The following CTIF variants were observed in gnomAD, a reference collection of about 807,000 sequenced individuals.
CTIF encodes CBP80/20-dependent translation initiation factor.
A neutral mutation model predicts 66.0 loss-of-function variants in CTIF; 21 were observed. The ratio of observed to expected loss-of-function variants is 0.32; its 90% CI spans 0.23 to 0.46. The LOEUF (loss-of-function observed/expected upper bound fraction) is 0.46, where lower values mean the gene tolerates loss of function less well. CTIF is among the 20% of genes least tolerant of loss of function. The pLI, the probability that CTIF is intolerant of heterozygous loss-of-function variation, is 1.00. For missense variants in CTIF, 739 were observed against 812.7 expected, an observed-to-expected ratio of 0.91 and a Z score of 1.10; for synonymous variants, 345 against 326.4, an observed-to-expected ratio of 1.06 and a Z score of -0.62.
intron 1 of CTIF, among the ~76,000 whole-genome samples, chr18:48,592,507 A>AG (rs1312934655): frequency 6.6e-6 from 1 of 151,326 alleles, no homozygotes; most frequent in Non-Finnish European, 1.5e-5. Flanking sequence ...CAAAAAAAAA[A>AG]AAAAAAGAAA....
At chr18:48,634,999 T>G (rs1370130904) in intron 2 of CTIF, among the ~76,000 whole-genome samples, 4 of 152,246 alleles carry the variant, frequency 2.6e-5, no homozygotes, top group Non-Finnish European at 1.5e-5. Context: ...CATTTAATTT[T>G]ACCTGTTTCT....
At position 48,638,396 on chromosome 18, in the gene CTIF, T is replaced by C. The variant is rs570468626; in HGVS notation, c.252+1711T>C. Among the ~76,000 whole-genome samples, 19 of 152,314 alleles carry C rather than the reference T, an allele frequency of 1.2e-4. No individual in the cohort carries two copies. In the South Asian group the frequency reaches 3.9e-3, roughly 32 times the overall value. On this transcript the variant is annotated intron_variant, in intron 3 of 11. Coordinates refer to ENST00000256413, the MANE Select transcript of CTIF (RefSeq NM_014772.3). The stretch of plus-strand genomic sequence containing the variant: ...TTTTTCCTCTCCTCTTTACCATCTT[T>C]CTGGGGGCTTGTCTGCTGTCTTTCC...
chr18:48,749,746 C>T (rs1015762875), intron 7 of CTIF, among the ~76,000 whole-genome samples: 1 of 152,226 alleles, frequency 6.6e-6, no homozygotes, highest in Non-Finnish European at 1.5e-5. Flanking sequence ...CAAAGTTGCA[C>T]AGCTAAAAGT....
intron 10 of CTIF, among the ~76,000 whole-genome samples, chr18:48,836,406 G>A (rs1371429429): frequency 6.6e-6 from 1 of 152,052 alleles, no homozygotes; most frequent in Non-Finnish European, 1.5e-5. Flanking sequence ...AGGACAGTGG[G>A]GTCACCACTG....
At chr18:48,771,208 G>A (rs1480156312) in intron 9 of CTIF, among the ~76,000 whole-genome samples, 3 of 152,172 alleles carry the variant, frequency 2.0e-5, no homozygotes, top group Non-Finnish European at 4.4e-5. Flanking sequence ...CTTTCATGAA[G>A]TCTTCTGGGC....
chr18:48,726,203 A>G (rs2092385984), intron 7 of CTIF, among the ~76,000 whole-genome samples: 1 of 152,216 alleles, frequency 6.6e-6, no homozygotes, highest in South Asian at 2.1e-4. Context: ...AGTTGTGGAT[A>G]TGTACGTGTG....
At chr18:48,624,067 C>A (rs2090548562) in intron 2 of CTIF, among the ~76,000 whole-genome samples, 2 of 149,862 alleles carry the variant, frequency 1.3e-5, no homozygotes, top group Admixed American at 1.3e-4. Flanking sequence ...ACACCACGCC[C>A]CTCCCCATGT....
At chr18:48,725,267 C>G (rs1456791696) in intron 7 of CTIF, among the ~76,000 whole-genome samples, 1 of 152,138 alleles carries the variant, frequency 6.6e-6, no homozygotes, top group East Asian at 1.9e-4. Context: ...GGGCAGGATT[C>G]TGACTGTGCC....
At chr18:48,660,967 G>A (rs1346164151) in intron 3 of CTIF, among the ~76,000 whole-genome samples, 2 of 152,162 alleles carry the variant, frequency 1.3e-5, no homozygotes, top group Admixed American at 6.5e-5. Flanking sequence ...ATCCTAGGAC[G>A]GTAAATCATT....
chr18:48,604,175 T>TTG (rs2090160891), intron 1 of CTIF, among the ~76,000 whole-genome samples: 2 of 116,656 alleles, frequency 1.7e-5, no homozygotes, highest in African/African-American at 3.2e-5. Context: ...AGGGTTTTTT[T>TTG]TTTTTTTTTT....
At chr18:48,588,373 G>T (rs2089816898) in intron 1 of CTIF, among the ~76,000 whole-genome samples, 1 of 152,172 alleles carries the variant, frequency 6.6e-6, no homozygotes, top group African/African-American at 2.4e-5. Flanking sequence ...GCCCTCTCAG[G>T]TGGCCCTGCC....
intron 9 of CTIF, among the ~76,000 whole-genome samples, chr18:48,785,332 G>T (rs924978058): frequency 4.6e-5 from 7 of 152,204 alleles, no homozygotes; most frequent in African/African-American, 1.7e-4. Flanking sequence ...ATAATTTGCA[G>T]AAATGAAACC....
intron 10 of CTIF, among the ~76,000 whole-genome samples, chr18:48,847,894 C>T (rs187619484): frequency 1.1e-4 from 17 of 152,312 alleles, no homozygotes; most frequent in South Asian, 2.1e-4. Context: ...CCTCCCTGAA[C>T]GGAGACCTAG....
At chr18:48,726,417 C>G (rs992039637) in intron 7 of CTIF, among the ~76,000 whole-genome samples, 1 of 152,140 alleles carries the variant, frequency 6.6e-6, no homozygotes, top group African/African-American at 2.4e-5. Context: ...CAGGGTTGTC[C>G]TAGCTCAAAG....
At chr18:48,854,005 C>G (rs892828742) in intron 10 of CTIF, among the ~76,000 whole-genome samples, 4 of 152,196 alleles carry the variant, frequency 2.6e-5, no homozygotes, top group African/African-American at 9.7e-5. Flanking sequence ...TTACCCTCTT[C>G]TCACCTTCTA....
intron 9 of CTIF, among the ~76,000 whole-genome samples, chr18:48,801,273 C>A (rs2068043833): frequency 1.3e-5 from 2 of 152,332 alleles, no homozygotes; most frequent in Non-Finnish European, 2.9e-5. Flanking sequence ...TGGTCTATAA[C>A]CCCATATGGT....
At chr18:48,809,942 G>A (rs1173029273) in intron 9 of CTIF, among the ~76,000 whole-genome samples, 1 of 151,342 alleles carries the variant, frequency 6.6e-6, no homozygotes, top group Non-Finnish European at 1.5e-5. Context: ...TATTTCCTAA[G>A]TAATTAATTT....
chr18:48,711,915 G>T (rs1029759853), intron 7 of CTIF, among the ~76,000 whole-genome samples: 2 of 152,174 alleles, frequency 1.3e-5, no homozygotes, highest in Non-Finnish European at 2.9e-5. Flanking sequence ...CCCTTCAGGC[G>T]TTTGGCTGAG....
chr18:48,597,907 C>A (rs145389897), intron 1 of CTIF, among the ~76,000 whole-genome samples: 2 of 152,354 alleles, frequency 1.3e-5, no homozygotes, highest in East Asian at 1.9e-4. Flanking sequence ...AGCCTGAGAA[C>A]TTGGCTGTTT....
Sources: allele counts gnomAD v4.1 joint callset (sites outside exome capture counted in the v4.1 genomes callset), GRCh38; gene constraint gnomAD v4.1.1; transcripts MANE v1.5; gene names NCBI Gene and HGNC (gene_info 2026-07-23, HGNC 2026-07-21).